The following CTCFL variants were observed in gnomAD, a reference collection of about 807,000 sequenced individuals.
CTCFL encodes CCCTC-binding factor like.
In CTCFL, 36 loss-of-function variants were observed where a neutral mutation model predicts 67.4. The ratio of observed to expected loss-of-function variants is 0.53; its 90% CI spans 0.41 to 0.71. The LOEUF (loss-of-function observed/expected upper bound fraction) is 0.71, where lower values mean the gene tolerates loss of function less well. Ranked by LOEUF, CTCFL falls within the 30% of genes least tolerant of loss-of-function variation. The pLI, the probability that CTCFL is intolerant of heterozygous loss-of-function variation, is 0.00. For synonymous variants in CTCFL, 324 were observed against 302.3 expected, an observed-to-expected ratio of 1.07 and a Z score of -0.75; for missense variants, 786 against 835.2, an observed-to-expected ratio of 0.94 and a Z score of 0.73.
intron 8 of CTCFL, among the ~76,000 whole-genome samples, chr20:57,509,284 ATT>A (rs370517858): frequency 0.089 from 11,944 of 134,470 alleles, 455 homozygotes; most frequent in African/African-American, 0.14. Flanking sequence ...CTTAATACCG[ATT>A]TTTTTTTTTT....
chr20:57,500,245 A>C, intron 10 of CTCFL: 1 of 1,024,716 alleles, frequency 9.8e-7, no homozygotes, highest in South Asian at 2.0e-5. Flanking sequence ...CGGGCAGATC[A>C]CTTGAGGTCA....
rs752275403 is a variant in CTCFL at position 57,498,545 on chromosome 20, C to A, written c.*5G>T. ...GGGGCAGTGAACACGCAACCCGAAT[C>A]CCTCTCACTTATCCATCGTGTTGAG... On this transcript the variant is annotated 3_prime_UTR_variant, in exon 11 of 11. Coordinates refer to ENST00000243914, the MANE Select transcript of CTCFL (RefSeq NM_001386993.1). The A allele has an allele frequency of 9.9e-6, 16 of 1,609,876 alleles. No homozygotes were observed. The highest frequency in any genetic ancestry group is 1.4e-5 in the Non-Finnish European group (16 of 1,177,696).
chr20:57,517,521 G>A (rs2069014170), intron 5 of CTCFL, among the ~76,000 whole-genome samples: 1 of 152,032 alleles, frequency 6.6e-6, no homozygotes. Flanking sequence ...CAAGCAATAC[G>A]CTCACCTTGG....
At chr20:57,503,728 C>T in intron 9 of CTCFL, 127 bp from the exon 10 acceptor site, 2 of 918,324 alleles carry the variant, frequency 2.2e-6, no homozygotes, top group Non-Finnish European at 3.3e-6. Context: ...GGCAATTCCA[C>T]ACACCTCGCT....
rs973700699 is a variant in CTCFL at position 57,524,304 on chromosome 20, C to A, written c.-11-88G>T. On this transcript the variant is annotated intron_variant, in intron 1 of 10. Coordinates refer to ENST00000243914, the MANE Select transcript of CTCFL (RefSeq NM_001386993.1). ...GCGGGGGGTGCTGGAACCTAGCAGG[C>A]TTTGGAGTTGAAACAAGGTCTGGCC... 18 of 1,518,432 alleles carry A rather than the reference C, an allele frequency of 1.2e-5. No homozygotes were observed. The African/African-American group carries it at 2.2e-4, about 19-fold the overall frequency. 94.1% of individuals were successfully genotyped at this position (1,518,432 alleles called of 1,614,324 possible).
chr20:57,516,052 T>C (rs2068895145), intron 5 of CTCFL, among the ~76,000 whole-genome samples: 1 of 152,152 alleles, frequency 6.6e-6, no homozygotes, highest in South Asian at 2.1e-4. Context: ...ATAAGCTCCT[T>C]TAGGGAAAAT....
At chr20:57,506,112 G>A (rs1011292287) in intron 9 of CTCFL, among the ~76,000 whole-genome samples, 1 of 152,190 alleles carries the variant, frequency 6.6e-6, no homozygotes, top group Non-Finnish European at 1.5e-5. Flanking sequence ...GTTTGTGAAA[G>A]CAAGTTTTAC....
chr20:57,504,556 A>G (rs1285914089), intron 9 of CTCFL, among the ~76,000 whole-genome samples: 2 of 151,836 alleles, frequency 1.3e-5, no homozygotes, highest in Non-Finnish European at 2.9e-5. Flanking sequence ...TGCTGAGATT[A>G]CAGGCGTGAG....
At chr20:57,498,803 C>A (rs1272082318) in intron 10 of CTCFL, 102 bp from the exon 11 acceptor site, 8 of 1,010,324 alleles carry the variant, frequency 7.9e-6, no homozygotes, top group Non-Finnish European at 1.2e-5. Flanking sequence ...TAAATTTGAA[C>A]ACGGCAGCAA....
chr20:57,523,970 A>T lies in CTCFL; in HGVS notation c.236T>A (p.Ile79Asn). 1 of 1,613,078 alleles carries T rather than the reference A, an allele frequency of 6.2e-7. No individual in the cohort carries two copies. The highest frequency in any genetic ancestry group is 8.5e-7 in the Non-Finnish European group (1 of 1,179,998). The change falls in exon 2 of 11, where the codon ATC becomes AAC. Residue 79 changes from isoleucine to asparagine, a missense_variant. Physicochemically the swap from Ile to Asn is moderately radical, Grantham distance 149. Coordinates refer to ENST00000243914, the MANE Select transcript of CTCFL (RefSeq NM_001386993.1). ...GAAGTGCACCGTCTGCAGGGTCAGG[A>T]TGTACTTCTCGCTCTCCTCCGAGGG... ...LAPSEESEKYILTLQTVHFTS... is the reference protein window; with the variant it reads ...LAPSEESEKYNLTLQTVHFTS...
intron 1 of CTCFL, chr20:57,524,683 C>T (rs992197651): frequency 1.8e-5 from 18 of 1,001,700 alleles, no homozygotes; most frequent in Non-Finnish European, 2.1e-5. Context: ...CAGTGCACAC[C>T]CGGCGCCCAG....
Position 57,503,496 on chromosome 20 carries a change from C to T in CTCFL, c.1780G>A (p.Glu594Lys), listed in dbSNP as rs1373969046. 6.2e-7 allele frequency: 1 copy of T among 1,614,232 alleles called. No individual in the cohort carries two copies. The change falls in exon 10 of 11, where the codon GAA (glutamate) becomes AAA (lysine). Residue 594 changes from glutamate to lysine, a missense_variant. Coordinates refer to ENST00000243914, the MANE Select transcript of CTCFL (RefSeq NM_001386993.1). ...TRKRKQTILKEATKGQKEAAK... is the reference protein window; with the variant it reads ...TRKRKQTILKKATKGQKEAAK... Reference sequence around the variant, plus strand: ...GCTTCCTTCTGACCCTTTGTGGCTTCCTTCAGGATGGTCTGCTTCCTCTTT... The same window carrying T: ...GCTTCCTTCTGACCCTTTGTGGCTTTCTTCAGGATGGTCTGCTTCCTCTTT...
chr20:57,510,425 T>A (rs2068474267), intron 8 of CTCFL, among the ~76,000 whole-genome samples: 1 of 152,222 alleles, frequency 6.6e-6, no homozygotes, highest in South Asian at 2.1e-4. Flanking sequence ...AAAACAAAAA[T>A]AACCTAATGT....
At chr20:57,519,133 C>G in intron 4 of CTCFL, 74 bp downstream of exon 4, 1 of 1,443,658 alleles carries the variant, frequency 6.9e-7, no homozygotes, top group Non-Finnish European at 9.5e-7. Flanking sequence ...ACTGTAGAAA[C>G]AGGTGGATTC....
In CTCFL at chr20:57,523,678, A is replaced by T; in HGVS notation, c.528T>A (p.Thr176=). The change falls in exon 2 of 11, where the codon ACT becomes ACA. Residue 176 remains threonine, a synonymous_variant. Coordinates refer to ENST00000243914, the MANE Select transcript of CTCFL (RefSeq NM_001386993.1). The stretch of plus-strand genomic sequence containing the variant: ...CCAGCTGTACCTTGATCAGTCCAGT[A>T]GTTTCAGCCAGGCTCACCGCTAACT... The part of the protein sequence containing the change: ...DSKLAVSLAE[T]TGLIKLEEEQ... 6.2e-7 allele frequency: 1 copy of T among 1,613,530 alleles called. No individual in the cohort carries two copies. Among genetic ancestry groups the T allele is most frequent in the Non-Finnish European group, 8.5e-7 (1 of 1,179,932 alleles).
At chr20:57,518,605 T>C (rs2069100585) in intron 5 of CTCFL, 153 bp downstream of exon 5, 1 of 1,520,992 alleles carries the variant, frequency 6.6e-7, no homozygotes, top group African/African-American at 1.4e-5. Context: ...TTTAACTTCA[T>C]AAAAGAGAAT....
chr20:57,505,584 A>G (rs2902992), intron 9 of CTCFL, among the ~76,000 whole-genome samples: 43,489 of 152,088 alleles, frequency 0.29, 7,078 homozygotes, highest in East Asian at 0.41. Flanking sequence ...GAATGTTTCT[A>G]CTCTCTAAAG....
downstream of CTCFL, chr20:57,497,123 AAAG>A (rs1467096059): frequency 1.0e-5 from 5 of 484,556 alleles, no homozygotes; most frequent in South Asian, 8.9e-5. Flanking sequence ...CTCTCCAGAC[AAAG>A]AAGATGTTTT....
chr20:57,504,709 T>C (rs1568853849), intron 9 of CTCFL, among the ~76,000 whole-genome samples: 1 of 151,918 alleles, frequency 6.6e-6, no homozygotes, highest in African/African-American at 2.4e-5. Flanking sequence ...CTGCTAAATT[T>C]GTTCTAATTT....
Sources: gnomAD v4.1 joint callset for allele counts (sites outside exome capture counted in the v4.1 genomes callset) on GRCh38, gnomAD v4.1.1 for gene constraint, MANE v1.5 for transcripts, NCBI Gene and HGNC (gene_info 2026-07-23, HGNC 2026-07-21) for gene names.